The following CDH12 variants were observed in gnomAD, a reference collection of about 807,000 sequenced individuals.
CDH12 encodes the protein cadherin-12.
CDH12 carries 41 observed loss-of-function variants against 74.1 expected under a neutral mutation model. That is an observed-to-expected ratio of 0.55 (90% CI 0.43 to 0.72). The LOEUF (loss-of-function observed/expected upper bound fraction) is 0.72. CDH12 is among the 30% of genes least tolerant of loss of function. The pLI, the probability that CDH12 is intolerant of heterozygous loss-of-function variation, is 0.00. For synonymous variants in CDH12, 399 were observed against 355.0 expected (o/e 1.12, Z -1.39); for missense variants, 945 against 977.2 (o/e 0.97, Z 0.44).
At chr5:22,171,827 A>G (rs1412605263) in intron 4 of CDH12, among the ~76,000 whole-genome samples, 1 of 151,922 alleles carries the variant, frequency 6.6e-6, no homozygotes, top group Non-Finnish European at 1.5e-5. Context: ...GTTTGGTTAT[A>G]TATCACCTGG....
chr5:22,849,034 G>A (rs1299728133), intron 1 of CDH12, among the ~76,000 whole-genome samples: 3 of 151,504 alleles, frequency 2.0e-5, no homozygotes, highest in East Asian at 1.9e-4. Flanking sequence ...TTACCCCAAC[G>A]TGACAAAATT....
At chr5:22,694,349 A>G (rs1360657985) in intron 1 of CDH12, among the ~76,000 whole-genome samples, 1 of 152,190 alleles carries the variant, frequency 6.6e-6, no homozygotes, top group Admixed American at 6.5e-5. Context: ...ATCCTTCTAC[A>G]TTCCAAAATC....
chr5:21,982,036 A>G (rs2963520), intron 5 of CDH12, among the ~76,000 whole-genome samples: 39,500 of 151,954 alleles, frequency 0.26, 7,593 homozygotes, highest in African/African-American at 0.54. Context: ...TGAGCCATAA[A>G]TTGCCCAGAG....
At chr5:22,356,141 T>C (rs1740554842) in intron 3 of CDH12, among the ~76,000 whole-genome samples, 1 of 152,156 alleles carries the variant, frequency 6.6e-6, no homozygotes, top group African/African-American at 2.4e-5. Flanking sequence ...TTTTCAAAAA[T>C]GCATTCATTT....
intron 4 of CDH12, among the ~76,000 whole-genome samples, chr5:22,110,418 A>G (rs1744738368): frequency 6.6e-6 from 1 of 151,900 alleles, no homozygotes; most frequent in South Asian, 2.1e-4. Flanking sequence ...TAGTACTCAA[A>G]TCAATCTCCC....
In CDH12 at chr5:22,620,017, T is replaced by A. The variant is rs139362898; in HGVS notation, c.-522-114653A>T. ...TTTAAGTAGAGAGCTCAGGAAATTA[T>A]CATTTTACCTCCAATGATATTTTAA... On this transcript the variant is annotated intron_variant, in intron 1 of 14. Transcript: ENST00000382254. 3.6e-3 allele frequency among the ~76,000 whole-genome samples: 549 copies of A among 152,240 alleles called. 1 individual carries two copies. Among genetic ancestry groups the A allele is most frequent in the African/African-American group, 0.01 (424 of 41,562 alleles).
chr5:22,273,283 C>T (rs1736485767), intron 3 of CDH12, among the ~76,000 whole-genome samples: 1 of 152,070 alleles, frequency 6.6e-6, no homozygotes, highest in Non-Finnish European at 1.5e-5. Flanking sequence ...TTTTGAATTA[C>T]CAAAATATGA....
intron 5 of CDH12, among the ~76,000 whole-genome samples, chr5:22,013,996 G>A (rs552370105): frequency 6.6e-6 from 1 of 152,248 alleles, no homozygotes; most frequent in Admixed American, 6.5e-5. Flanking sequence ...GGAGGCTGAG[G>A]CAGGCAGATC....
At chr5:22,308,080 C>T (rs538317020) in intron 3 of CDH12, among the ~76,000 whole-genome samples, 29 of 151,852 alleles carry the variant, frequency 1.9e-4, no homozygotes, top group Admixed American at 1.0e-3. Flanking sequence ...CGGGGTTTCA[C>T]CACGTTAGCC....
chr5:22,663,982 T>C (rs1740480050), intron 1 of CDH12, among the ~76,000 whole-genome samples: 1 of 152,190 alleles, frequency 6.6e-6, no homozygotes, highest in Non-Finnish European at 1.5e-5. Context: ...TAGATATTTT[T>C]ATTTTTGAAA....
chr5:22,398,677 T>G (rs887814831), intron 3 of CDH12, among the ~76,000 whole-genome samples: 1 of 152,200 alleles, frequency 6.6e-6, no homozygotes, highest in Non-Finnish European at 1.5e-5. Context: ...GTCTCCTTTT[T>G]CACCAGAGAC....
chr5:21,867,536 A>C (rs1327356756), intron 6 of CDH12, among the ~76,000 whole-genome samples: 1 of 152,210 alleles, frequency 6.6e-6, no homozygotes, highest in Non-Finnish European at 1.5e-5. Flanking sequence ...CATGTAGTCA[A>C]AGGAGATCAT....
intron 5 of CDH12, among the ~76,000 whole-genome samples, chr5:22,029,005 A>AT (rs1217633541): frequency 1.3e-5 from 2 of 152,210 alleles, no homozygotes; most frequent in East Asian, 3.9e-4. Flanking sequence ...AAAACAAGCA[A>AT]TGGGGAAAGG....
chr5:22,064,431 A>C lies in CDH12; in HGVS notation c.231+14015T>G, dbSNP rs193209464. Among the ~76,000 whole-genome samples the C allele has an allele frequency of 2.1e-3, 321 of 152,244 alleles. 7 individuals carry two copies. Among genetic ancestry groups the C allele is most frequent in the Non-Finnish European group, 3.5e-4 (24 of 68,010 alleles). On this transcript the variant is annotated intron_variant, in intron 5 of 14. Coordinates refer to ENST00000382254, the MANE Select transcript of CDH12 (RefSeq NM_004061.5). ...AGTGGTTCTAGAGGAACAGAATCTT[A>C]AGAATAAGTTTTCTTTACTGGTTTT...
At chr5:22,086,108 A>T (rs1447255775) in intron 4 of CDH12, among the ~76,000 whole-genome samples, 1 of 151,768 alleles carries the variant, frequency 6.6e-6, no homozygotes, top group East Asian at 1.9e-4. Flanking sequence ...CTTAACACTC[A>T]CTCTTTTGTT....
At chr5:22,180,972 T>A (rs1749613676) in intron 4 of CDH12, among the ~76,000 whole-genome samples, 1 of 152,158 alleles carries the variant, frequency 6.6e-6, no homozygotes, top group Non-Finnish European at 1.5e-5. Context: ...TTTGATGTAT[T>A]TGACATTGAC....
At chr5:22,573,990 T>G (rs577334510) in intron 1 of CDH12, among the ~76,000 whole-genome samples, 108 of 152,030 alleles carry the variant, frequency 7.1e-4, no homozygotes, top group Middle Eastern at 3.4e-3. Flanking sequence ...TTATTTGCTG[T>G]GGTCTCCTGT....
chr5:22,764,692 T>G (rs918535819), intron 1 of CDH12, among the ~76,000 whole-genome samples: 1 of 152,028 alleles, frequency 6.6e-6, no homozygotes, highest in Admixed American at 6.6e-5. Flanking sequence ...CCACCACATT[T>G]CTGCAGATAT....
intron 4 of CDH12, among the ~76,000 whole-genome samples, chr5:22,173,499 C>T (rs28558355): frequency 0.41 from 61,090 of 149,176 alleles, 13,011 homozygotes; most frequent in East Asian, 0.73. Flanking sequence ...GATATCTAAC[C>T]CTTATATAGG....
Sources: gnomAD v4.1 joint callset for allele counts (sites outside exome capture counted in the v4.1 genomes callset) on GRCh38, gnomAD v4.1.1 for gene constraint, MANE v1.5 for transcripts, NCBI Gene and HGNC (gene_info 2026-07-23, HGNC 2026-07-21) for gene names.